CLTRN: variants seen among roughly 807,000 people sequenced by gnomAD.
CLTRN encodes collectrin, amino acid transport regulator, also known as collectrin.
A neutral mutation model predicts 14.5 loss-of-function variants in CLTRN; 12 were observed. The ratio of observed to expected loss-of-function variants is 0.83; its 90% CI spans 0.53 to 1.34. CLTRN has a LOEUF of 1.34. CLTRN is among the 40% of genes most tolerant of loss of function. CLTRN has a pLI of 0.00. For synonymous variants in CLTRN, 58 were observed against 56.5 expected (o/e 1.03, Z -0.12); for missense variants, 154 against 165.1 (o/e 0.93, Z 0.37).
chrX:15,628,565 A>G (rs2147193120), intron 5 of CLTRN, among the ~76,000 whole-genome samples: 1 of 112,415 alleles, frequency 8.9e-6, no homozygotes, highest in African/African-American at 3.2e-5. Context: ...AAAGTAATAA[A>G]TTCCTCTCAT....
chrX:15,654,244 C>T (rs1448225639), intron 3 of CLTRN, among the ~76,000 whole-genome samples: 2 of 112,656 alleles, frequency 1.8e-5, no homozygotes, highest in African/African-American at 6.4e-5. Context: ...AATAATTAGG[C>T]AGAGGCAGAA....
chrX:15,648,604 A>T (rs180829253), intron 3 of CLTRN, among the ~76,000 whole-genome samples: 1 of 111,417 alleles, frequency 9.0e-6, no homozygotes, highest in Admixed American at 9.5e-5. Flanking sequence ...CGAGGTCAGG[A>T]GTTTGAGACC....
At chrX:15,669,662 A>C (rs1601741686), upstream of CLTRN, among the ~76,000 whole-genome samples, 1 of 112,125 alleles carries the variant, frequency 8.9e-6, no homozygotes, top group East Asian at 2.8e-4. Context: ...GATTCATGCA[A>C]GATCCCTTAA....
intron 3 of CLTRN, chrX:15,646,322 T>C: frequency 3.8e-6 from 1 of 260,006 alleles, no homozygotes; most frequent in Non-Finnish European, 7.5e-6. Flanking sequence ...GCCCGGACAC[T>C]ATCTCTGGCC....
rs761067230 is a variant in CLTRN at position 15,645,034 on chromosome X, A to G, written c.204-5T>C. On this transcript the variant is annotated splice_region_variant and splice_polypyrimidine_tract_variant and intron_variant, in intron 3 of 5. Transcript: ENST00000380342. ...CAAAGTAGGACATGGGAAATTCTGC[A>G]GACAGTGGAAAGAAAAAATACATGA... The G allele has an allele frequency of 1.2e-5, 14 of 1,132,393 alleles. No individual in the cohort carries two copies. The highest frequency in any genetic ancestry group is 1.7e-5 in the Non-Finnish European group (14 of 830,729). 93.3% of individuals were successfully genotyped at this position (1,132,393 alleles called of 1,213,427 possible). A position where few individuals can be genotyped will look rare whatever the true frequency, so the allele number is the denominator to read the frequency against.
intron 2 of CLTRN, among the ~76,000 whole-genome samples, chrX:15,662,414 G>A (rs1929529455): frequency 9.0e-6 from 1 of 111,130 alleles, no homozygotes; most frequent in Admixed American, 9.6e-5. Context: ...CTTCTCCTCT[G>A]CCCTTCTCAG....
intron 3 of CLTRN, among the ~76,000 whole-genome samples, chrX:15,655,671 C>G (rs1389616787): frequency 8.9e-6 from 1 of 112,036 alleles, no homozygotes; most frequent in Non-Finnish European, 1.9e-5. Flanking sequence ...TGAGACTTCT[C>G]TGGCTAAGAA....
chrX:15,648,287 C>T (rs1367899246), intron 3 of CLTRN, among the ~76,000 whole-genome samples: 7 of 111,642 alleles, frequency 6.3e-5, no homozygotes, highest in African/African-American at 3.3e-5. Context: ...AGAAATAGCC[C>T]AGGGTTTCTC....
At chrX:15,667,938 T>C (rs1168692398), upstream of CLTRN, among the ~76,000 whole-genome samples, 1 of 112,308 alleles carries the variant, frequency 8.9e-6, no homozygotes, top group Non-Finnish European at 1.9e-5. Context: ...TCTATGTAAC[T>C]AGAATTGAAG....
At chrX:15,646,875 A>T (rs913962968) in intron 3 of CLTRN, 2 of 297,006 alleles carry the variant, frequency 6.7e-6, no homozygotes, top group Non-Finnish European at 1.3e-5. Context: ...TGCCCAGGCC[A>T]TCTGCCTTCG....
upstream of CLTRN, among the ~76,000 whole-genome samples, chrX:15,666,419 A>C (rs1383462812): frequency 9.0e-6 from 1 of 111,517 alleles, no homozygotes; most frequent in East Asian, 2.8e-4. Context: ...TCAGTCCCCA[A>C]ATTCCACCCC....
intron 5 of CLTRN, among the ~76,000 whole-genome samples, chrX:15,633,102 T>C (rs773695484): frequency 5.4e-5 from 6 of 110,455 alleles, no homozygotes; most frequent in Non-Finnish European, 1.1e-4. Context: ...TGATGGACTT[T>C]GAAATCAAAC....
intron 2 of CLTRN, 35 bp downstream of exon 2, chrX:15,664,301 CA>C: frequency 8.9e-7 from 1 of 1,121,884 alleles, no homozygotes; most frequent in Non-Finnish European, 1.2e-6. Context: ...TATTAGCAAA[CA>C]AAATTTAAAA....
intron 5 of CLTRN, among the ~76,000 whole-genome samples, chrX:15,634,593 T>C (rs1928772449): frequency 1.8e-5 from 2 of 110,294 alleles, no homozygotes; most frequent in South Asian, 7.8e-4. Flanking sequence ...GTGAAGTATA[T>C]GCAGTTCATC....
At chrX:15,671,842 G>GCGCA in intron 1 of CLTRN, among the ~76,000 whole-genome samples, 1 of 59,384 alleles carries the variant, frequency 1.7e-5, no homozygotes, top group Non-Finnish European at 2.8e-5. Flanking sequence ...AATTTTATGC[G>GCGCA]CGCACACACA....
intron 1 of CLTRN, chrX:15,674,962 G>C (rs1359205696): frequency 1.8e-5 from 2 of 113,553 alleles, no homozygotes; most frequent in Admixed American, 1.8e-4. Flanking sequence ...GAGAGGTGTG[G>C]AATGCAGTAA....
chrX:15,661,215 T>A lies in CLTRN; in HGVS notation c.118-2114A>T, dbSNP rs936527632. Reference sequence around the variant, plus strand: ...AAGCCTGCTCAAGAACAAATGAGAATAATAAGCTCAGTGCAGAAAATGAAA... The same window carrying A: ...AAGCCTGCTCAAGAACAAATGAGAAAAATAAGCTCAGTGCAGAAAATGAAA... On this transcript the variant is annotated intron_variant, in intron 2 of 5. Transcript: ENST00000380342. Among the ~76,000 whole-genome samples, 3 of 112,124 alleles carry A rather than the reference T, an allele frequency of 2.7e-5. No homozygotes were observed. The Admixed American group carries it at 2.8e-4, about 11-fold the overall frequency.
At chrX:15,661,183 A>T (rs756297353) in intron 2 of CLTRN, among the ~76,000 whole-genome samples, 64 of 112,488 alleles carry the variant, frequency 5.7e-4, no homozygotes, top group Non-Finnish European at 1.1e-3. Flanking sequence ...ATGCAGACAC[A>T]AGGAATAAGC....
chrX:15,643,110 C>CA (rs199933506), intron 4 of CLTRN, among the ~76,000 whole-genome samples: 78 of 108,600 alleles, frequency 7.2e-4, no homozygotes, highest in East Asian at 1.1e-3. Flanking sequence ...AAAAAGAAAA[C>CA]AAAAAAAAAC....
Sources: gnomAD v4.1 joint callset for allele counts (sites outside exome capture counted in the v4.1 genomes callset) on GRCh38, gnomAD v4.1.1 for gene constraint, MANE v1.5 for transcripts, NCBI Gene and HGNC (gene_info 2026-07-23, HGNC 2026-07-21) for gene names.